The following ITGAX variants were observed in gnomAD, a reference collection of about 807,000 sequenced individuals.
ITGAX encodes integrin subunit alpha X.
ITGAX carries 99 observed loss-of-function variants against 140.2 expected under a neutral mutation model. The ratio of observed to expected loss-of-function variants is 0.71; its 90% confidence interval spans 0.60 to 0.83. The LOEUF (loss-of-function observed/expected upper bound fraction) is 0.83, where lower values mean the gene tolerates loss of function less well. ITGAX is among the 40% of genes least tolerant of loss of function. The probability of loss-of-function intolerance (pLI) is 0.00; values close to 1 mark genes in which losing one functional copy is unlikely to be tolerated. For synonymous variants in ITGAX, 631 were observed against 600.4 expected (o/e 1.05, Z -0.75); for missense variants, 1,444 against 1,482.0 (o/e 0.97, Z 0.42).
Position 31,357,295 on chromosome 16 carries a change from T to C in ITGAX, c.361T>C (p.Tyr121His). 1 of 1,608,894 alleles carries C rather than the reference T, an allele frequency of 6.2e-7. No homozygotes were observed. Among genetic ancestry groups the C allele is most frequent in the Non-Finnish European group, 8.5e-7 (1 of 1,178,336 alleles). Residue 121 changes from tyrosine to histidine, a missense_variant, in exon 5 of 30, where the codon TAC becomes CAC. Tyr to His is a moderately conservative substitution (Grantham distance 83). Coordinates refer to ENST00000268296, the MANE Select transcript of ITGAX (RefSeq NM_000887.5). The part of the protein sequence containing the change: ...TVHHECGRNM[Y>H]LTGLCFLLGP... ...GCACCACGAGTGCGGGAGGAACATG[T>C]ACCTCACCGGACTCTGCTTCCTCCT...
chr16:31,371,715 C>A lies in ITGAX; in HGVS notation c.2091C>A (p.Asn697Lys), dbSNP rs1162276377. The A allele has an allele frequency of 6.2e-7, 1 of 1,614,134 alleles. No homozygotes were observed. ...GTGCCACCTTCCAGGAAACAAAGAA[C>A]CGGAGTCTGAGCCGAGTCCGAGTCC... ...SPRATFQETK[N>K]RSLSRVRVLG... is the part of the protein sequence containing the mutation. The change falls in exon 17 of 30, where the codon AAC (asparagine) becomes AAA (lysine). Residue 697 changes from asparagine (N) to lysine (K), a missense_variant. Coordinates refer to ENST00000268296, the MANE Select transcript of ITGAX (RefSeq NM_000887.5).
Position 31,362,669 on chromosome 16 carries a change from C to T in ITGAX, c.1275C>T (p.Pro425=), listed in dbSNP as rs776459308. 2.1e-5 allele frequency: 34 copies of T among 1,613,622 alleles called. No homozygotes were observed. The highest frequency in any genetic ancestry group is 2.7e-5 in the Non-Finnish European group (32 of 1,179,832). ...TGCAGAGCCTGGTCCTGGGGGCCCC[C>T]CGCTACCAGCACACCGGGAAGGCTG... ...KGVQSLVLGA[P]RYQHTGKAVI... The change falls in exon 12 of 30, where the codon CCC becomes CCT. Residue 425 remains proline (P), a synonymous_variant. Transcript: ENST00000268296.
In ITGAX at chr16:31,382,453, A is replaced by G. The variant is rs1182394768; in HGVS notation, c.*546A>G. On this transcript the variant is annotated 3_prime_UTR_variant, in exon 30 of 30. Transcript: ENST00000268296. ...AGTTCTGAATATGCTGCTCATCCCC[A>G]CCTGTCTTCAACAGCTCCCCATTAC... 5 of 1,534,296 alleles carry G rather than the reference A, an allele frequency of 3.3e-6. No homozygotes were observed. Among genetic ancestry groups the G allele is most frequent in the Non-Finnish European group, 4.4e-6 (5 of 1,145,980 alleles).
intron 19 of ITGAX, among the ~76,000 whole-genome samples, 188 bp from the exon 20 acceptor site, chr16:31,373,061 C>T (rs1160485326): frequency 1.3e-5 from 2 of 151,520 alleles, no homozygotes; most frequent in African/African-American, 4.9e-5. Context: ...CCACTGCACT[C>T]CAGCCTGGGT....
intron 17 of ITGAX, among the ~76,000 whole-genome samples, chr16:31,372,114 T>G (rs1169331361): frequency 1.4e-5 from 2 of 139,956 alleles, no homozygotes; most frequent in African/African-American, 5.4e-5. Context: ...GGCCTTGCCC[T>G]GGGGGCCAGG....
chr16:31,356,578 C>G (rs1200351128), intron 2 of ITGAX, 47 bp from the exon 3 acceptor site: 8 of 1,369,752 alleles, frequency 5.8e-6, no homozygotes, highest in Middle Eastern at 1.8e-4. Context: ...GGCAGCTGTG[C>G]TGCAGCGTCC....
chr16:31,356,910 C>A, intron 3 of ITGAX, 121 bp from the exon 4 acceptor site: 3 of 952,696 alleles, frequency 3.1e-6, no homozygotes, highest in East Asian at 2.5e-5. Context: ...TCTGTCAAGA[C>A]CCGACAGCTT....
At chr16:31,356,760 C>A (rs145679140) in intron 3 of ITGAX, 32 bp downstream of exon 3, 19 of 1,495,594 alleles carry the variant, frequency 1.3e-5, no homozygotes, top group Non-Finnish European at 1.6e-5. Flanking sequence ...GACCCAGGGC[C>A]GGGCTCCCAG....
At chr16:31,376,478 C>A (rs1041113446) in intron 20 of ITGAX, among the ~76,000 whole-genome samples, 1 of 152,030 alleles carries the variant, frequency 6.6e-6, no homozygotes, top group Non-Finnish European at 1.5e-5. Context: ...TTAAAATTAG[C>A]CAGGCATGGT....
At chr16:31,357,136 G>A (rs924610893) in intron 4 of ITGAX, 35 bp downstream of exon 4, 54 of 1,593,054 alleles carry the variant, frequency 3.4e-5, no homozygotes, top group Non-Finnish European at 4.5e-5. Context: ...GCTTCTGAGG[G>A]AGGGAGGGAG....
At chr16:31,380,138 C>T in intron 26 of ITGAX, 73 bp downstream of exon 26, 4 of 1,551,770 alleles carry the variant, frequency 2.6e-6, no homozygotes, top group Non-Finnish European at 3.6e-6. Context: ...GTTCATGTTC[C>T]ATATCCATCC....
intron 14 of ITGAX, among the ~76,000 whole-genome samples, chr16:31,369,324 T>C (rs2080930996): frequency 6.7e-6 from 1 of 150,148 alleles, no homozygotes; most frequent in Non-Finnish European, 1.5e-5. Flanking sequence ...ACGGGGCAGC[T>C]GGCCGGGCAG....
intron 14 of ITGAX, among the ~76,000 whole-genome samples, chr16:31,368,582 T>C (rs546883209): frequency 1.2e-3 from 175 of 150,546 alleles, no homozygotes; most frequent in Middle Eastern, 6.8e-3. Context: ...ACTTTCTTTT[T>C]TTATTTTTTA....
Position 31,357,074 on chromosome 16 carries a change from G to T in ITGAX, c.291G>T (p.Ala97=), listed in dbSNP as rs371786173. The T allele has an allele frequency of 1.2e-5, 19 of 1,610,186 alleles. No individual in the cohort carries two copies. The highest frequency in any genetic ancestry group is 1.5e-5 in the Non-Finnish European group (18 of 1,179,524). The change falls in exon 4 of 30, where the codon GCG becomes GCT. Residue 97 remains alanine, a synonymous_variant. Coordinates refer to ENST00000268296, the MANE Select transcript of ITGAX (RefSeq NM_000887.5). Reference sequence around the variant, plus strand: ...ACATGTCCCTGGGCCTGTCCCTGGCGTCTACCACCAGCCCTTCCCAGCTGC... The same window carrying T: ...ACATGTCCCTGGGCCTGTCCCTGGCTTCTACCACCAGCCCTTCCCAGCTGC... ...AVNMSLGLSL[A]STTSPSQLLA...
intron 3 of ITGAX, 133 bp from the exon 4 acceptor site, chr16:31,356,898 G>A (rs2080766773): frequency 1.1e-6 from 1 of 882,906 alleles, no homozygotes; most frequent in Non-Finnish European, 1.7e-6. Flanking sequence ...CACTCCCGCA[G>A]CTCTGTCAAG....
In ITGAX at chr16:31,366,777, A is replaced by G. The variant is rs1334629553; in HGVS notation, c.1710+3403A>G. ...GTGATCTGCCTGCCTTGGCCTCCCAAAGCACTGGGATTACAGACGTGGGCC... is the reference window on the plus strand; with the variant it reads ...GTGATCTGCCTGCCTTGGCCTCCCAGAGCACTGGGATTACAGACGTGGGCC... On this transcript the variant is annotated intron_variant, in intron 14 of 29. Transcript: ENST00000268296. Among the ~76,000 whole-genome samples the G allele has an allele frequency of 2.6e-5, 4 of 152,186 alleles. No homozygotes were observed. In the East Asian group the frequency reaches 7.7e-4, roughly 29 times the overall value.
intron 5 of ITGAX, among the ~76,000 whole-genome samples, chr16:31,359,375 A>G (rs1295647497): frequency 6.6e-6 from 1 of 152,116 alleles, no homozygotes; most frequent in Non-Finnish European, 1.5e-5. Flanking sequence ...CATGTGGGCC[A>G]GGATGGTCTC....
In ITGAX at chr16:31,359,916, C is replaced by T. The variant is rs938271101; in HGVS notation, c.562-4C>T. 9 of 1,613,996 alleles carry T rather than the reference C, an allele frequency of 5.6e-6. No individual in the cohort carries two copies. The highest frequency in any genetic ancestry group is 1.7e-5 in the Admixed American group (1 of 59,994). On this transcript the variant is annotated splice_region_variant and splice_polypyrimidine_tract_variant and intron_variant, in intron 6 of 29. Coordinates refer to ENST00000268296, the MANE Select transcript of ITGAX (RefSeq NM_000887.5). ...TCAGCCCCAGCCCTGTGTGCTTCTCCCAGTTTTCCCTGATGCAGTTCTCCA... is the reference window on the plus strand; with the variant it reads ...TCAGCCCCAGCCCTGTGTGCTTCTCTCAGTTTTCCCTGATGCAGTTCTCCA...
chr16:31,360,569 C>T (rs1468128040), intron 8 of ITGAX, 106 bp downstream of exon 8: 1 of 1,120,430 alleles, frequency 8.9e-7, no homozygotes, highest in East Asian at 2.4e-5. Flanking sequence ...GCTCTATCAC[C>T]CAGGAAGTGG....
Sources: allele counts gnomAD v4.1 joint callset (sites outside exome capture counted in the v4.1 genomes callset), GRCh38; gene constraint gnomAD v4.1.1; transcripts MANE v1.5; gene names NCBI Gene and HGNC (gene_info 2026-07-23, HGNC 2026-07-21).